ASCC3: variants seen among roughly 807,000 people sequenced by gnomAD.
ASCC3 encodes the protein ASC-1 complex subunit P200.
In ASCC3, 158 loss-of-function variants were observed where a neutral mutation model predicts 256.3. That is an observed-to-expected ratio of 0.62 (90% confidence interval 0.54 to 0.70). ASCC3 has a LOEUF of 0.70. Among genes scored for constraint, ASCC3 ranks in the 30% least tolerant of loss-of-function variants. The probability of loss-of-function intolerance (pLI) is 0.00; values close to 1 mark genes in which losing one functional copy is unlikely to be tolerated. For synonymous variants in ASCC3, 948 were observed against 883.4 expected, an observed-to-expected ratio of 1.07 and a Z score of -1.30; for missense variants, 2,259 against 2,626.0, an observed-to-expected ratio of 0.86 and a Z score of 3.05.
rs150573835 is a variant in ASCC3, at chr6:100,592,547, T to C, written c.5304-2488A>G. ...ATAATTTAAATGTAAATGAAGTTTTTTAGGTTACATAAAATTTTGGGAGTT... is the reference window on the plus strand; with the variant it reads ...ATAATTTAAATGTAAATGAAGTTTTCTAGGTTACATAAAATTTTGGGAGTT... On this transcript the variant is annotated intron_variant, in intron 34 of 41. Coordinates refer to ENST00000369162, the MANE Select transcript of ASCC3 (RefSeq NM_006828.4). 4.1e-3 allele frequency among the ~76,000 whole-genome samples: 617 copies of C among 152,158 alleles called. 4 individuals carry two copies. The highest frequency in any genetic ancestry group is 0.014 in the African/African-American group (596 of 41,550).
At chr6:100,727,178 C>T (rs547239140) in intron 10 of ASCC3, among the ~76,000 whole-genome samples, 28 of 151,992 alleles carry the variant, frequency 1.8e-4, no homozygotes, top group African/African-American at 6.7e-4. Context: ...AAGTGTATTC[C>T]TCCTTGAGGA....
chr6:100,713,762 C>T (rs1778968131), intron 13 of ASCC3, among the ~76,000 whole-genome samples: 1 of 152,022 alleles, frequency 6.6e-6, no homozygotes. Context: ...TAAATATTTA[C>T]TGAATCTTTT....
At chr6:100,794,351 C>T (rs1769495041) in intron 8 of ASCC3, among the ~76,000 whole-genome samples, 1 of 152,070 alleles carries the variant, frequency 6.6e-6, no homozygotes, top group Non-Finnish European at 1.5e-5. Flanking sequence ...GCTAATAAGA[C>T]TGAAGTGCTT....
chr6:100,651,516 C>T lies in ASCC3; in HGVS notation c.3075+44G>A, dbSNP rs1228973896. On this transcript the variant is annotated intron_variant, in intron 19 of 41. Transcript: ENST00000369162. ...AGAACCTTTTATAAATGAATGAATG[C>T]ATACATGTTGTATGCATTTGATTCA... 3.5e-6 allele frequency: 4 copies of T among 1,136,406 alleles called. No individual in the cohort carries two copies. The South Asian group carries it at 6.1e-5, about 17-fold the overall frequency. 70.4% of individuals were successfully genotyped at this position (1,136,406 alleles called of 1,614,324 possible). A position where few individuals can be genotyped will look rare whatever the true frequency, so the allele number is the denominator to read the frequency against.
rs865929723 is a variant in ASCC3, at chr6:100,608,490, C to T, written c.4786-1402G>A. 3.5e-3 allele frequency among the ~76,000 whole-genome samples: 12 copies of T among 3,424 alleles called. 2 individuals are homozygous for T. Among genetic ancestry groups the T allele is most frequent in the Non-Finnish European group, 5.7e-3 (11 of 1,934 alleles). 2.2% of individuals were successfully genotyped at this position (3,424 alleles called of 152,430 possible). A position where few individuals can be genotyped will look rare whatever the true frequency, so the allele number is the denominator to read the frequency against. On this transcript the variant is annotated intron_variant, in intron 30 of 41. Transcript: ENST00000369162. ...TATATATATATACTTTATATATATA[C>T]TTTATATATATATACTTTATATATA...
At chr6:100,590,936 C>T (rs1402686357) in intron 34 of ASCC3, among the ~76,000 whole-genome samples, 1 of 151,922 alleles carries the variant, frequency 6.6e-6, no homozygotes, top group East Asian at 1.9e-4. Flanking sequence ...AAAGTTAGTG[C>T]AAATGGCTAG....
intron 34 of ASCC3, among the ~76,000 whole-genome samples, chr6:100,601,054 C>G (rs1772582574): frequency 6.6e-6 from 1 of 152,020 alleles, no homozygotes; most frequent in South Asian, 2.1e-4. Context: ...ATGCTTATGA[C>G]TCTTTCAAGC....
chr6:100,652,863 T>C lies in ASCC3; in HGVS notation c.2850A>G (p.Arg950=). 6.2e-7 allele frequency: 1 copy of C among 1,613,956 alleles called. No homozygotes were observed. Among genetic ancestry groups the C allele is most frequent in the Non-Finnish European group, 8.5e-7 (1 of 1,179,934 alleles). ...GTCCAACTTCAATGACCAACTGTTC[T>C]CGATGCTTTCTTAATGTTGGGTCAA... is the stretch of plus-strand genomic sequence containing the variant. ...YQIDPTLRKH[R]EQLVIEVGRK... is the part of the protein sequence containing the mutation. The change falls in exon 18 of 42, where the codon CGA becomes CGG. Residue 950 remains arginine, a synonymous_variant. Transcript: ENST00000369162.
intron 34 of ASCC3, among the ~76,000 whole-genome samples, chr6:100,592,246 T>C (rs1772039729): frequency 6.6e-6 from 1 of 151,922 alleles, no homozygotes; most frequent in Non-Finnish European, 1.5e-5. Flanking sequence ...AAAGTTCACA[T>C]TTCTTCATGC....
At chr6:100,656,046 T>C (rs888626250) in intron 16 of ASCC3, among the ~76,000 whole-genome samples, 6 of 151,786 alleles carry the variant, frequency 4.0e-5, no homozygotes, top group South Asian at 2.1e-4. Flanking sequence ...GAACTGAACT[T>C]ACTCAATATT....
At chr6:100,546,995 G>A (rs1769000389) in intron 36 of ASCC3, among the ~76,000 whole-genome samples, 2 of 151,910 alleles carry the variant, frequency 1.3e-5, no homozygotes, top group South Asian at 2.1e-4. Context: ...TGTTCTCCAT[G>A]AGCACTACAT....
intron 37 of ASCC3, among the ~76,000 whole-genome samples, chr6:100,534,014 G>C (rs1312181722): frequency 2.6e-5 from 4 of 152,178 alleles, no homozygotes; most frequent in African/African-American, 9.7e-5. Context: ...TGGGCGTGGT[G>C]GCTCACGCCT....
At chr6:100,645,558 G>A (rs565235577) in intron 22 of ASCC3, among the ~76,000 whole-genome samples, 190 of 152,212 alleles carry the variant, frequency 1.2e-3, no homozygotes, top group African/African-American at 4.5e-3. Context: ...AATAACGTGT[G>A]AAATAGGCAC....
At chr6:100,800,606 T>C in intron 5 of ASCC3, 102 bp from the exon 6 acceptor site, 1 of 829,818 alleles carries the variant, frequency 1.2e-6, no homozygotes, top group Non-Finnish European at 1.9e-6. Flanking sequence ...TATAATGCTC[T>C]TACAATTCAT....
Position 100,579,746 on chromosome 6 carries a change from T to G in ASCC3, c.5550+9888A>C, listed in dbSNP as rs534374428. Among the ~76,000 whole-genome samples the G allele has an allele frequency of 4.6e-5, 7 of 152,282 alleles. No homozygotes were observed. In the South Asian group the frequency reaches 1.5e-3, roughly 32 times the overall value. The stretch of plus-strand genomic sequence containing the variant: ...GTTACTGTAGCCTTGTAGTATAGTT[T>G]GAAGTCAGGTAACATGATATCTCCA... On this transcript the variant is annotated intron_variant, in intron 36 of 41. Coordinates refer to ENST00000369162, the MANE Select transcript of ASCC3 (RefSeq NM_006828.4).
intron 1 of ASCC3, among the ~76,000 whole-genome samples, chr6:100,879,872 T>C (rs1352917768): frequency 6.6e-6 from 1 of 152,164 alleles, no homozygotes; most frequent in African/African-American, 2.4e-5. Flanking sequence ...ACATTGACAA[T>C]AACTTTTTCT....
At chr6:100,659,742 T>C (rs1776095286) in intron 16 of ASCC3, among the ~76,000 whole-genome samples, 1 of 151,574 alleles carries the variant, frequency 6.6e-6, no homozygotes, top group Non-Finnish European at 1.5e-5. Context: ...CTTGTGTTTA[T>C]TTTACCAATT....
At chr6:100,859,139 C>T in intron 3 of ASCC3, 1 of 780,040 alleles carries the variant, frequency 1.3e-6, no homozygotes, top group Non-Finnish European at 2.4e-6. Flanking sequence ...GTCAGAAGCT[C>T]TGCTCATCTT....
Position 100,684,792 on chromosome 6 carries a change from G to A in ASCC3, c.2152-5040C>T, listed in dbSNP as rs116516418. Among the ~76,000 whole-genome samples, 826 of 144,828 alleles carry A rather than the reference G, an allele frequency of 5.7e-3. 9 individuals carry two copies. Among genetic ancestry groups the A allele is most frequent in the African/African-American group, 0.02 (794 of 39,586 alleles). On this transcript the variant is annotated intron_variant, in intron 13 of 41. Coordinates refer to ENST00000369162, the MANE Select transcript of ASCC3 (RefSeq NM_006828.4). Reference sequence around the variant, plus strand: ...GTAGGAATATTTAATGTGAAATCTTGAATCAAACTCTTTTTTTTTTTTTTT... The same window carrying A: ...GTAGGAATATTTAATGTGAAATCTTAAATCAAACTCTTTTTTTTTTTTTTT...
Sources: gnomAD v4.1 joint callset for allele counts (sites outside exome capture counted in the v4.1 genomes callset) on GRCh38, gnomAD v4.1.1 for gene constraint, MANE v1.5 for transcripts, NCBI Gene and HGNC (gene_info 2026-07-23, HGNC 2026-07-21) for gene names.